The following ZNF292 variants were observed in gnomAD, a reference collection of about 807,000 sequenced individuals.
ZNF292 encodes the protein 16 zinc-finger domain protein.
ZNF292 carries 26 observed loss-of-function variants against 217.9 expected under a neutral mutation model. The ratio of observed to expected loss-of-function variants is 0.12; its 90% CI spans 0.09 to 0.17. The LOEUF (loss-of-function observed/expected upper bound fraction) is 0.17. Among genes scored for constraint, ZNF292 ranks in the 10% least tolerant of loss-of-function variants. The pLI is 1.00. For synonymous variants in ZNF292, 1,257 were observed against 1,124.1 expected, an observed-to-expected ratio of 1.12 and a Z score of -2.37; for missense variants, 2,904 against 3,175.2, an observed-to-expected ratio of 0.91 and a Z score of 2.05.
At chr6:87,166,072 T>TA (rs1235053363) in intron 1 of ZNF292, among the ~76,000 whole-genome samples, 1 of 152,180 alleles carries the variant, frequency 6.6e-6, no homozygotes, top group African/African-American at 2.4e-5. Context: ...TTACATTTCT[T>TA]AAAGTGAATG....
intron 1 of ZNF292, among the ~76,000 whole-genome samples, chr6:87,187,927 A>G (rs1380427815): frequency 6.6e-6 from 1 of 152,034 alleles, no homozygotes; most frequent in African/African-American, 2.4e-5. Flanking sequence ...ACCAACTGCT[A>G]CCTATCTGCT....
chr6:87,188,981 G>A (rs558663884), intron 1 of ZNF292, among the ~76,000 whole-genome samples: 71 of 152,090 alleles, frequency 4.7e-4, no homozygotes, highest in Non-Finnish European at 8.8e-4. Context: ...GAGGCGGGCC[G>A]ATCACCTAAG....
chr6:87,210,182 ATAAACT>A (rs973813932), intron 1 of ZNF292, among the ~76,000 whole-genome samples: 19 of 152,322 alleles, frequency 1.2e-4, no homozygotes, highest in African/African-American at 4.3e-4. Flanking sequence ...ATAATGAGAA[ATAAACT>A]TAAGAGCCAA....
chr6:87,156,782 A>C (rs1391742698), intron 1 of ZNF292, among the ~76,000 whole-genome samples: 1 of 152,248 alleles, frequency 6.6e-6, no homozygotes, highest in Non-Finnish European at 1.5e-5. Flanking sequence ...AAATCATTTC[A>C]TCCATGGTGA....
At chr6:87,158,586 A>T (rs57607342) in intron 1 of ZNF292, among the ~76,000 whole-genome samples, 1 of 152,142 alleles carries the variant, frequency 6.6e-6, no homozygotes, top group Non-Finnish European at 1.5e-5. Context: ...AGGTGGGAGG[A>T]TCATTTGAAC....
chr6:87,226,804 G>A (rs1015172678), intron 4 of ZNF292, among the ~76,000 whole-genome samples: 5 of 151,084 alleles, frequency 3.3e-5, no homozygotes, highest in African/African-American at 4.9e-5. Flanking sequence ...TTAGCCTCCC[G>A]AGTAGCGGGG....
Position 87,257,273 on chromosome 6 carries a change from T to C in ZNF292, c.3644T>C (p.Ile1215Thr), listed in dbSNP as rs1445344074. 6.8e-6 allele frequency: 11 copies of C among 1,613,566 alleles called. No individual in the cohort carries two copies. The highest frequency in any genetic ancestry group is 9.3e-6 in the Non-Finnish European group (11 of 1,179,784). ...ATGGAAAGTGTCATAAATCCAAATA[T>C]AACTTCTCAGGATAAAAATGAACAA... The part of the protein sequence containing the change: ...SSMESVINPN[I>T]TSQDKNEQGG... The change falls in exon 8 of 8, where the codon ATA becomes ACA. Residue 1215 changes from isoleucine to threonine, a missense_variant. This residue lies in a region of ZNF292 where 687 missense variants were observed against 623.0 expected (regional missense o/e 1.10). Transcript: ENST00000369577.
intron 1 of ZNF292, among the ~76,000 whole-genome samples, chr6:87,206,093 T>TG: frequency 6.6e-6 from 1 of 152,184 alleles, no homozygotes; most frequent in Non-Finnish European, 1.5e-5. Context: ...ATTACCCTGC[T>TG]GGGGACAGCA....
chr6:87,202,743 C>G (rs1329319963), intron 1 of ZNF292, among the ~76,000 whole-genome samples: 2 of 152,052 alleles, frequency 1.3e-5, no homozygotes, highest in Non-Finnish European at 2.9e-5. Context: ...TTCCCCTTCC[C>G]CCCGCCCCAT....
chr6:87,178,710 A>C (rs1290371393), intron 1 of ZNF292, among the ~76,000 whole-genome samples: 2 of 152,244 alleles, frequency 1.3e-5, no homozygotes, highest in African/African-American at 4.8e-5. Context: ...ATAACGACCT[A>C]GTCAAGTAAC....
intron 2 of ZNF292, 58 bp from the exon 3 acceptor site, chr6:87,216,241 A>T: frequency 6.8e-7 from 1 of 1,464,300 alleles, no homozygotes; most frequent in Non-Finnish European, 9.3e-7. Context: ...TACTGGTTTT[A>T]TAATTTCCTT....
intron 4 of ZNF292, among the ~76,000 whole-genome samples, chr6:87,226,819 C>G (rs1336200457): frequency 6.6e-6 from 1 of 151,844 alleles, no homozygotes; most frequent in African/African-American, 2.4e-5. Context: ...GCGGGGACTA[C>G]AGGCATGCAC....
At chr6:87,190,514 C>T (rs575019037) in intron 1 of ZNF292, among the ~76,000 whole-genome samples, 14 of 152,088 alleles carry the variant, frequency 9.2e-5, no homozygotes, top group African/African-American at 1.2e-4. Flanking sequence ...TGCTCTGTCG[C>T]CCAGGCTGGA....
chr6:87,169,358 T>C (rs183807646), intron 1 of ZNF292, among the ~76,000 whole-genome samples: 4 of 151,584 alleles, frequency 2.6e-5, no homozygotes, highest in Admixed American at 2.6e-4. Context: ...TTTTTTCCAG[T>C]GTATTTTCCA....
chr6:87,225,021 A>T (rs1003624328), intron 4 of ZNF292, among the ~76,000 whole-genome samples: 2 of 152,196 alleles, frequency 1.3e-5, no homozygotes, highest in African/African-American at 4.8e-5. Flanking sequence ...CTTACCAACA[A>T]TTGGTATTGT....
Position 87,245,740 on chromosome 6 carries a change from T to A in ZNF292, c.1020+96T>A, listed in dbSNP as rs189201319. On this transcript the variant is annotated intron_variant, in intron 7 of 7. Transcript: ENST00000369577. ...TGATTTTGGCTCCCTTTTCAGTGAT[T>A]TTTAAATTTTTTCAGTTAGTCCTTT... The A allele has an allele frequency of 1.9e-3, 1,536 of 807,056 alleles. 4 individuals carry two copies. The highest frequency in any genetic ancestry group is 2.5e-3 in the Non-Finnish European group (1,400 of 556,494). The allele number at this position is 807,056 out of a possible 1,614,324, so 50.0% of individuals were successfully genotyped here. A position where few individuals can be genotyped will look rare whatever the true frequency, so the allele number is the denominator to read the frequency against.
intron 1 of ZNF292, among the ~76,000 whole-genome samples, chr6:87,177,566 C>G (rs1562124654): frequency 6.6e-6 from 1 of 152,096 alleles, no homozygotes; most frequent in African/African-American, 2.4e-5. Flanking sequence ...TTAAATCTGT[C>G]TTCTATACTG....
At chr6:87,214,399 C>T (rs948809950) in intron 1 of ZNF292, among the ~76,000 whole-genome samples, 3 of 152,020 alleles carry the variant, frequency 2.0e-5, no homozygotes, top group African/African-American at 4.8e-5. Context: ...TTTATCCTCA[C>T]GTAGAATCTA....
rs1775142770 is a variant in ZNF292, at chr6:87,255,181, A to G, written c.1552A>G (p.Lys518Glu). 4 of 1,613,858 alleles carry G rather than the reference A, an allele frequency of 2.5e-6. No individual in the cohort carries two copies. Among genetic ancestry groups the G allele is most frequent in the Non-Finnish European group, 2.5e-6 (3 of 1,179,838 alleles). The change falls in exon 8 of 8, where the codon AAG becomes GAG. Residue 518 changes from lysine to glutamate, a missense_variant. By Grantham distance (56) the Lys-to-Glu change is moderately conservative (BLOSUM62 1). Transcript: ENST00000369577. ...LKDIGDEKQKKREIKQLRERG... is the reference protein window; with the variant it reads ...LKDIGDEKQKEREIKQLRERG... The stretch of plus-strand genomic sequence containing the variant: ...AGACATTGGTGATGAAAAGCAGAAG[A>G]AGAGAGAGATAAAACAGTTAAGAGA...
Sources: gnomAD v4.1 joint callset for allele counts (sites outside exome capture counted in the v4.1 genomes callset) on GRCh38, gnomAD v4.1.1 for gene constraint, gnomAD v4.1.1 regional missense constraint, MANE v1.5 for transcripts, NCBI Gene and HGNC (gene_info 2026-07-23, HGNC 2026-07-21) for gene names.